Variants in MIR2052HG observed in about 807,000 individuals in gnomAD.
MIR2052HG encodes the protein MIR2052 host gene.
At chr8:74,624,288 T>G (rs1475401474) in intron 2 of MIR2052HG, among the ~76,000 whole-genome samples, 2 of 152,234 alleles carry the variant, frequency 1.3e-5, no homozygotes, top group African/African-American at 2.4e-5. Flanking sequence ...CAGCCAAGTT[T>G]CTGGGCTTAT....
chr8:74,621,776 G>T (rs899109547), intron 2 of MIR2052HG, among the ~76,000 whole-genome samples: 6 of 152,116 alleles, frequency 3.9e-5, no homozygotes, highest in Non-Finnish European at 1.5e-5. Context: ...TTTTAACAAG[G>T]CTGCCAAGAC....
intron 4 of MIR2052HG, among the ~76,000 whole-genome samples, chr8:74,746,422 G>A (rs1012876820): frequency 5.3e-5 from 8 of 152,072 alleles, no homozygotes; most frequent in South Asian, 2.1e-4. Context: ...AGCCCTAGAC[G>A]TCATTGAGCA....
At chr8:74,677,835 T>A (rs573476866) in intron 2 of MIR2052HG, among the ~76,000 whole-genome samples, 10 of 151,956 alleles carry the variant, frequency 6.6e-5, no homozygotes, top group South Asian at 2.1e-4. Flanking sequence ...GTAAAAAAAA[T>A]TTATAAACTA....
chr8:74,626,131 C>T (rs980157924), intron 2 of MIR2052HG, among the ~76,000 whole-genome samples: 5 of 152,144 alleles, frequency 3.3e-5, no homozygotes, highest in South Asian at 2.1e-4. Flanking sequence ...GTGGGTGCCC[C>T]GGGAGAACAG....
At chr8:74,676,476 G>T (rs1197308132) in intron 2 of MIR2052HG, among the ~76,000 whole-genome samples, 4 of 151,630 alleles carry the variant, frequency 2.6e-5, no homozygotes, top group African/African-American at 9.7e-5. Context: ...AATAGAAGTA[G>T]AGGATATAAC....
intron 2 of MIR2052HG, among the ~76,000 whole-genome samples, chr8:74,621,614 T>TCA (rs1180216461): frequency 6.6e-6 from 1 of 152,134 alleles, no homozygotes; most frequent in Non-Finnish European, 1.5e-5. Flanking sequence ...TGAGACTCAC[T>TCA]CATTAACAGC....
At chr8:74,736,119 A>C (rs12546127) in intron 4 of MIR2052HG, among the ~76,000 whole-genome samples, 1 of 152,156 alleles carries the variant, frequency 6.6e-6, no homozygotes, top group Non-Finnish European at 1.5e-5. Flanking sequence ...CAAGCAGATT[A>C]AAGTTTCTTG....
intron 2 of MIR2052HG, among the ~76,000 whole-genome samples, chr8:74,634,793 G>A (rs1586899083): frequency 6.6e-6 from 1 of 151,970 alleles, no homozygotes; most frequent in African/African-American, 2.4e-5. Flanking sequence ...AGACAGAAAC[G>A]GACAACGAAA....
intron 4 of MIR2052HG, among the ~76,000 whole-genome samples, chr8:74,722,848 G>A (rs1432322311): frequency 6.6e-6 from 1 of 152,150 alleles, no homozygotes; most frequent in Non-Finnish European, 1.5e-5. Context: ...TAAGCATCTT[G>A]CCCAAGATTA....
intron 4 of MIR2052HG, among the ~76,000 whole-genome samples, chr8:74,741,746 G>A (rs985549992): frequency 2.0e-5 from 3 of 152,222 alleles, no homozygotes; most frequent in East Asian, 3.9e-4. Context: ...TGTAAGGCAC[G>A]TCACAGCCTC....
At chr8:74,648,183 A>G (rs1808713624) in intron 2 of MIR2052HG, among the ~76,000 whole-genome samples, 1 of 152,160 alleles carries the variant, frequency 6.6e-6, no homozygotes, top group Admixed American at 6.5e-5. Flanking sequence ...TTTCCCAGCA[A>G]GGAATATTAA....
chr8:74,711,240 C>T (rs1242718834), intron 4 of MIR2052HG, among the ~76,000 whole-genome samples: 1 of 152,122 alleles, frequency 6.6e-6, no homozygotes, highest in Non-Finnish European at 1.5e-5. Context: ...CTGCACTGCC[C>T]TTTTCCCAGG....
At chr8:74,638,513 A>G (rs1195780366) in intron 2 of MIR2052HG, among the ~76,000 whole-genome samples, 1 of 152,162 alleles carries the variant, frequency 6.6e-6, no homozygotes, top group African/African-American at 2.4e-5. Flanking sequence ...CTCAGGTGAA[A>G]TATGCTGATG....
intron 1 of MIR2052HG, among the ~76,000 whole-genome samples, chr8:74,610,730 A>G (rs1157981252): frequency 1.3e-5 from 2 of 152,058 alleles, no homozygotes; most frequent in Non-Finnish European, 2.9e-5. Context: ...AATTCAGTGG[A>G]GAACAGATAG....
intron 1 of MIR2052HG, among the ~76,000 whole-genome samples, chr8:74,610,876 A>G (rs751211913): frequency 6.6e-6 from 1 of 152,066 alleles, no homozygotes; most frequent in East Asian, 1.9e-4. Flanking sequence ...AAAAAGTATC[A>G]AGCTAAAAAT....
At chr8:74,601,237 T>C (rs1238082349) in intron 1 of MIR2052HG, among the ~76,000 whole-genome samples, 1 of 152,258 alleles carries the variant, frequency 6.6e-6, no homozygotes, top group Admixed American at 6.5e-5. Flanking sequence ...CATTTGTCTG[T>C]AATCATTCAA....
chr8:74,652,107 G>A (rs1417886095), intron 2 of MIR2052HG, among the ~76,000 whole-genome samples: 1 of 152,132 alleles, frequency 6.6e-6, no homozygotes, highest in African/African-American at 2.4e-5. Flanking sequence ...ATCAACATAG[G>A]CTATAGCCTC....
At chr8:74,640,340 G>A (rs1808626059) in intron 2 of MIR2052HG, among the ~76,000 whole-genome samples, 1 of 151,788 alleles carries the variant, frequency 6.6e-6, no homozygotes, top group African/African-American at 2.4e-5. Flanking sequence ...GCGTGGTGGT[G>A]CTTGCCTGTA....
At chr8:74,613,666 T>C (rs1351075327) in intron 2 of MIR2052HG, among the ~76,000 whole-genome samples, 1 of 152,168 alleles carries the variant, frequency 6.6e-6, no homozygotes, top group Non-Finnish European at 1.5e-5. Flanking sequence ...TTGTATTTTT[T>C]AGTAGAGACG....
Sources: gnomAD v4.1 joint callset for allele counts (sites outside exome capture counted in the v4.1 genomes callset) on GRCh38, gnomAD v4.1.1 for gene constraint, MANE v1.5 for transcripts, NCBI Gene and HGNC (gene_info 2026-07-23, HGNC 2026-07-21) for gene names.